Variants in REM1 observed in about 807,000 individuals in gnomAD.
REM1 encodes the protein RRAD and GEM like GTPase 1, also known as GTP-binding protein REM 1.
A neutral mutation model predicts 27.0 loss-of-function variants in REM1; 20 were observed. That is an observed-to-expected ratio of 0.74 (90% CI 0.52 to 1.08). REM1 has a LOEUF of 1.08. Among genes scored for constraint, REM1 ranks in the 50% least tolerant of loss-of-function variants. REM1 has a pLI of 0.00. For synonymous variants in REM1, 159 were observed against 167.9 expected, an observed-to-expected ratio of 0.95 and a Z score of 0.41; for missense variants, 405 against 407.0, an observed-to-expected ratio of 1.00 and a Z score of 0.04.
intron 3 of REM1, among the ~76,000 whole-genome samples, chr20:31,480,242 CATACACACATACATACAT>C (rs1980680484): frequency 1.9e-5 from 1 of 53,788 alleles, no homozygotes; most frequent in African/African-American, 1.7e-4. Context: ...CAGATACATA[CATACACACATACATACAT>C]ACATACATAC....
At chr20:31,481,147 C>T (rs1280601010) in intron 3 of REM1, among the ~76,000 whole-genome samples, 1 of 152,092 alleles carries the variant, frequency 6.6e-6, no homozygotes, top group Non-Finnish European at 1.5e-5. Flanking sequence ...GTGGCAGCTG[C>T]CTGTCATCCC....
intron 3 of REM1, among the ~76,000 whole-genome samples, chr20:31,481,777 A>G (rs530624989): frequency 1.7e-4 from 26 of 152,316 alleles, no homozygotes; most frequent in African/African-American, 6.3e-4. Context: ...CCCCTTGTGA[A>G]CTTACACTTT....
In REM1 at chr20:31,484,468, G is replaced by A. The variant is rs1980857140; in HGVS notation, c.*38G>A. The A allele has an allele frequency of 2.1e-6, 3 of 1,448,616 alleles. No homozygotes were observed. Among genetic ancestry groups the A allele is most frequent in the Non-Finnish European group, 2.7e-6 (3 of 1,099,006 alleles). The allele number at this position is 1,448,616 out of a possible 1,614,324, so 89.7% of individuals were successfully genotyped here. ...TTCTGAGAGTTGGCGGGTCACTGAG[G>A]TGCATTCTGGGCTCCAGGGACGCCA... On this transcript the variant is annotated 3_prime_UTR_variant, in exon 5 of 5. Transcript: ENST00000201979.
chr20:31,476,455 A>G lies in REM1; in HGVS notation c.10A>G (p.Asn4Asp), dbSNP rs776173926. The change falls in exon 2 of 5, where the codon AAC becomes GAC. Residue 4 changes from asparagine to aspartate, a missense_variant. Coordinates refer to ENST00000201979, the MANE Select transcript of REM1 (RefSeq NM_014012.6). MTL[N>D]TEQEAKTPLH... ...CCCCCCCCTACCAAAGATGACACTC[A>G]ACACCGAGCAGGAAGCAAAGACCCC... 6.3e-6 allele frequency: 10 copies of G among 1,583,346 alleles called. No homozygotes were observed. Among genetic ancestry groups the G allele is most frequent in the Non-Finnish European group, 6.9e-6 (8 of 1,165,278 alleles).
intron 3 of REM1, among the ~76,000 whole-genome samples, chr20:31,481,328 C>A (rs1183020478): frequency 6.6e-6 from 1 of 152,054 alleles, no homozygotes; most frequent in Non-Finnish European, 1.5e-5. Context: ...CACAACCACA[C>A]ACAGTCTTTC....
chr20:31,479,359 T>A (rs887625620), intron 3 of REM1, among the ~76,000 whole-genome samples: 1 of 152,174 alleles, frequency 6.6e-6, no homozygotes, highest in Admixed American at 6.5e-5. Context: ...ACAGGCTGGT[T>A]AGAGGGTCTA....
rs2122468265 is a variant in REM1, at chr20:31,476,779, C to A, written c.334C>A (p.Leu112Met). ...GCAAGAGAGGGACCTCCATGAACAGCTGGGAGGTAGGGGCCATATGGGCTG... is the reference window on the plus strand; with the variant it reads ...GCAAGAGAGGGACCTCCATGAACAGATGGGAGGTAGGGGCCATATGGGCTG... ...GKQERDLHEQ[L>M]GEDVYERTLT... The change falls in exon 2 of 5, where the codon CTG becomes ATG. Residue 112 changes from leucine to methionine, a missense_variant. Physicochemically the swap from Leu to Met is conservative, Grantham distance 15. Transcript: ENST00000201979. 1.2e-6 allele frequency: 2 copies of A among 1,606,226 alleles called. No homozygotes were observed. Among genetic ancestry groups the A allele is most frequent in the Non-Finnish European group, 1.7e-6 (2 of 1,176,226 alleles).
At chr20:31,481,424 C>A (rs966545286) in intron 3 of REM1, among the ~76,000 whole-genome samples, 1 of 152,026 alleles carries the variant, frequency 6.6e-6, no homozygotes, top group Admixed American at 6.6e-5. Flanking sequence ...TAACCCCATT[C>A]GCCAGTCCCC....
intron 4 of REM1, among the ~76,000 whole-genome samples, chr20:31,483,949 C>G (rs1980819884): frequency 6.6e-6 from 1 of 152,192 alleles, no homozygotes; most frequent in Admixed American, 6.5e-5. Context: ...AGACCCTTTA[C>G]CTGGCATTCA....
At position 31,477,440 on chromosome 20, in the gene REM1, C is replaced by G. The variant is rs577018468; in HGVS notation, c.341-388C>G. Among the ~76,000 whole-genome samples the G allele has an allele frequency of 5.0e-4, 76 of 152,288 alleles. No individual in the cohort carries two copies. In the South Asian group the frequency reaches 7.2e-3, roughly 15 times the overall value. ...GGTAGGGACATCTAGCCAGACTCCT[C>G]TCTAGTCTTGACTTCTCTCTCCGAG... On this transcript the variant is annotated intron_variant, in intron 2 of 4. Transcript: ENST00000201979.
Position 31,476,718 on chromosome 20 carries a change from G to T in REM1, c.273G>T (p.Val91=). The change falls in exon 2 of 5, where the codon GTG becomes GTT. Residue 91 remains valine (V), a synonymous_variant. Transcript: ENST00000201979. ...TGGTGCTACTTGGAGATCCTGGAGT[G>T]GGGAAGACCAGCTTGGCCAGCCTCT... ...YRVVLLGDPG[V]GKTSLASLFA... The T allele has an allele frequency of 6.2e-7, 1 of 1,614,076 alleles. No homozygotes were observed. The highest frequency in any genetic ancestry group is 1.1e-5 in the South Asian group (1 of 91,060).
Position 31,484,585 on chromosome 20 carries a change from C to T in REM1, c.*155C>T, listed in dbSNP as rs1265422664. 1 of 941,034 alleles carries T rather than the reference C, an allele frequency of 1.1e-6. No homozygotes were observed. The highest frequency in any genetic ancestry group is 1.5e-6 in the Non-Finnish European group (1 of 678,508). 58.3% of individuals were successfully genotyped at this position (941,034 alleles called of 1,614,324 possible). The stretch of plus-strand genomic sequence containing the variant: ...GCCTGAGCATCCCCCAGATCCAAGC[C>T]TGGGGGATCCCGGGAAAGCGATGGA... On this transcript the variant is annotated 3_prime_UTR_variant, in exon 5 of 5. Coordinates refer to ENST00000201979, the MANE Select transcript of REM1 (RefSeq NM_014012.6).
At position 31,484,323 on chromosome 20, in the gene REM1, C is replaced by G. The variant is rs113328486; in HGVS notation, c.790C>G (p.Leu264Val). The change falls in exon 5 of 5, where the codon CTA (leucine) becomes GTA (valine). Residue 264 changes from leucine to valine, a missense_variant. By Grantham distance (32) the Leu-to-Val change is conservative. Transcript: ENST00000201979. ...CCCAGCACCCCGACGGCCGGCCAGC[C>G]TAGCCCAGCGCGCTCGTCGCTTCCT... is the stretch of plus-strand genomic sequence containing the variant. The part of the protein sequence containing the change: ...EPPAPRRPAS[L>V]AQRARRFLAR... 6.4e-7 allele frequency: 1 copy of G among 1,572,008 alleles called. No individual in the cohort carries two copies. The highest frequency in any genetic ancestry group is 2.3e-5 in the East Asian group (1 of 43,068).
At chr20:31,476,123 T>C in intron 1 of REM1, 104 bp from the exon 2 acceptor site, 1 of 318,864 alleles carries the variant, frequency 3.1e-6, no homozygotes. Flanking sequence ...CACCTGCCTG[T>C]CTGTCATCAG....
intron 3 of REM1, 81 bp downstream of exon 3, chr20:31,477,991 T>G: frequency 3.4e-6 from 3 of 871,662 alleles, no homozygotes; most frequent in Non-Finnish European, 5.7e-6. Flanking sequence ...CTGGGGACAC[T>G]ACAGATCAGG....
chr20:31,480,448 C>T (rs972069282), intron 3 of REM1, among the ~76,000 whole-genome samples: 3 of 152,020 alleles, frequency 2.0e-5, no homozygotes, highest in Non-Finnish European at 4.4e-5. Flanking sequence ...CTCAGCCTCC[C>T]GAGTAGCTGG....
intron 3 of REM1, among the ~76,000 whole-genome samples, chr20:31,478,858 G>C (rs1380319429): frequency 1.4e-5 from 2 of 145,746 alleles, no homozygotes; most frequent in Non-Finnish European, 3.0e-5. Context: ...TTTTTAGACA[G>C]AGTTTCACTC....
rs141253455 is a variant in REM1 at position 31,482,545 on chromosome 20, C to T, written c.625+57C>T. On this transcript the variant is annotated intron_variant, in intron 4 of 4. Transcript: ENST00000201979. Reference sequence around the variant, plus strand: ...CCTGGGCCCCACTGTCATGGCTGCTCCTCCAGCGCTCTTCATCTCAGTGAC... The same window carrying T: ...CCTGGGCCCCACTGTCATGGCTGCTTCTCCAGCGCTCTTCATCTCAGTGAC... The T allele has an allele frequency of 1.6e-4, 239 of 1,519,970 alleles. No homozygotes were observed. In the East Asian group the frequency reaches 3.9e-3, roughly 25 times the overall value. 94.2% of individuals were successfully genotyped at this position (1,519,970 alleles called of 1,614,324 possible).
At chr20:31,480,063 T>C (rs1231043134) in intron 3 of REM1, among the ~76,000 whole-genome samples, 1 of 151,980 alleles carries the variant, frequency 6.6e-6, no homozygotes, top group East Asian at 1.9e-4. Flanking sequence ...CACTCCAGCC[T>C]AGGCAACAAG....
Sources: gnomAD v4.1 joint callset for allele counts (sites outside exome capture counted in the v4.1 genomes callset) on GRCh38, gnomAD v4.1.1 for gene constraint, MANE v1.5 for transcripts, NCBI Gene and HGNC (gene_info 2026-07-23, HGNC 2026-07-21) for gene names.